The following EEF1AKMT1 variants were observed in gnomAD, a reference collection of about 807,000 sequenced individuals.
The protein encoded by EEF1AKMT1 is EEF1A lysine methyltransferase 1.
A neutral mutation model predicts 21.0 loss-of-function variants in EEF1AKMT1; 18 were observed. The observed-to-expected ratio is 0.86, with a 90% CI of 0.59 to 1.27. The LOEUF (loss-of-function observed/expected upper bound fraction) is 1.27, where lower values mean the gene tolerates loss of function less well. Ranked by LOEUF, EEF1AKMT1 falls within the 50% of genes most tolerant of loss-of-function variation. The pLI, the probability that EEF1AKMT1 is intolerant of heterozygous loss-of-function variation, is 0.00. For missense variants in EEF1AKMT1, 246 were observed against 258.6 expected (o/e 0.95, Z 0.33); for synonymous variants, 109 against 94.8 (o/e 1.15, Z -0.87).
In EEF1AKMT1 at chr13:20,772,754, G is replaced by C. The variant is rs1427157134; in HGVS notation, c.-20+1167C>G. Reference sequence around the variant, plus strand: ...AGCAAAGGGGCGGACACGTTAGCTTGCAGCATAAGCAGGGATTAGCTGGCT... The same window carrying C: ...AGCAAAGGGGCGGACACGTTAGCTTCCAGCATAAGCAGGGATTAGCTGGCT... On this transcript the variant is annotated intron_variant, in intron 1 of 4. Coordinates refer to ENST00000382758, the MANE Select transcript of EEF1AKMT1 (RefSeq NM_001318939.2). Among the ~76,000 whole-genome samples, 3 of 152,204 alleles carry C rather than the reference G, an allele frequency of 2.0e-5. No homozygotes were observed. The East Asian group carries it at 5.8e-4, about 29-fold the overall frequency.
In EEF1AKMT1 at chr13:20,747,462, C is replaced by CTTTTTTTTTTTTTTTTTTTTTTTTTTT. The variant is rs60730051; in HGVS notation, c.145-9658_145-9657insAAAAAAAAAAAAAAAAAAAAAAAAAAA. ...GATCTCTGTGCCAGTTAGGCACATT[C>CTTTTTTTTTTTTTTTTTTTTTTTTTTT]TTTTTTTTTTTTTTTTTTTTTGAGA... is the stretch of plus-strand genomic sequence containing the variant. On this transcript the variant is annotated intron_variant, in intron 2 of 4. Transcript: ENST00000382758. 5.7e-5 allele frequency: 5 copies of CTTTTTTTTTTTTTTTTTTTTTTTTTTT among 87,632 alleles called. 1 individual carries two copies. Among genetic ancestry groups the CTTTTTTTTTTTTTTTTTTTTTTTTTTT allele is most frequent in the Admixed American group, 1.5e-4 (1 of 6,668 alleles). 5.4% of individuals were successfully genotyped at this position (87,632 alleles called of 1,614,324 possible).
At chr13:20,769,434 C>T (rs1318643562) in intron 1 of EEF1AKMT1, 2 of 151,944 alleles carry the variant, frequency 1.3e-5, no homozygotes, top group Non-Finnish European at 2.9e-5. Flanking sequence ...TTTAAAGGGC[C>T]AGCACCTTTC....
intron 3 of EEF1AKMT1, among the ~76,000 whole-genome samples, chr13:20,736,733 C>CTTTTTTTTTTTTT (rs71087090): frequency 1.1e-5 from 1 of 87,070 alleles, no homozygotes; most frequent in Admixed American, 1.6e-4. Context: ...AACCATTTGA[C>CTTTTTTTTTTTTT]TTTTTTTTTT....
At position 20,732,029 on chromosome 13, in the gene EEF1AKMT1, C is replaced by T. The variant is rs1387070771; in HGVS notation, c.320G>A (p.Arg107Lys). The T allele has an allele frequency of 1.1e-5, 17 of 1,614,202 alleles. No individual in the cohort carries two copies. Among genetic ancestry groups the T allele is most frequent in the Non-Finnish European group, 1.4e-5 (17 of 1,180,040 alleles). ...AAACTCCTCTCCATACATGGCAAAT[C>T]TTTTGTCATATTCAAAGATGTATAT... ...FSIYIFEYDK[R>K]FAMYGEEFIF... The change falls in exon 4 of 5, where the codon AGA becomes AAA. Residue 107 changes from arginine to lysine, a missense_variant. By Grantham distance (26) the Arg-to-Lys change is conservative. Coordinates refer to ENST00000382758, the MANE Select transcript of EEF1AKMT1 (RefSeq NM_001318939.2).
Position 20,729,179 on chromosome 13 carries a change from T to C in EEF1AKMT1, c.546A>G (p.Gly182=), listed in dbSNP as rs1011815230. 1 of 1,614,120 alleles carries C rather than the reference T, an allele frequency of 6.2e-7. No homozygotes were observed. The highest frequency in any genetic ancestry group is 8.5e-7 in the Non-Finnish European group (1 of 1,180,040). The part of the protein sequence containing the change: ...IMEEQAAELL[G]VKMCTFVPRH... ...TTGGAACAAACGTGCACATCTTCAC[T>C]CCAAGGAGTTCTGCTGCCTGTTCTT... Residue 182 remains glycine (G), a synonymous_variant, in exon 5 of 5, where the codon GGA becomes GGG. Coordinates refer to ENST00000382758, the MANE Select transcript of EEF1AKMT1 (RefSeq NM_001318939.2).
intron 2 of EEF1AKMT1, among the ~76,000 whole-genome samples, chr13:20,748,681 A>G (rs2058921969): frequency 7.6e-6 from 1 of 131,036 alleles, no homozygotes; most frequent in African/African-American, 2.9e-5. Context: ...CATACACATC[A>G]TTTGCCTTTT....
At chr13:20,746,349 C>T (rs1462024793) in intron 2 of EEF1AKMT1, among the ~76,000 whole-genome samples, 3 of 152,158 alleles carry the variant, frequency 2.0e-5, no homozygotes, top group Non-Finnish European at 2.9e-5. Context: ...GACGGGGTTT[C>T]ACCATGTTGG....
intron 1 of EEF1AKMT1, among the ~76,000 whole-genome samples, chr13:20,762,902 C>G (rs1355938369): frequency 6.6e-6 from 1 of 152,160 alleles, no homozygotes; most frequent in Non-Finnish European, 1.5e-5. Context: ...TTTCAAATAA[C>G]TTTTTGATAT....
chr13:20,772,642 G>A (rs1380144934), intron 1 of EEF1AKMT1, among the ~76,000 whole-genome samples: 1 of 152,100 alleles, frequency 6.6e-6, no homozygotes, highest in African/African-American at 2.4e-5. Context: ...AGTGGGGAGA[G>A]GAGTGAAAGA....
At chr13:20,750,211 C>T (rs1056974515) in intron 2 of EEF1AKMT1, among the ~76,000 whole-genome samples, 3 of 152,120 alleles carry the variant, frequency 2.0e-5, no homozygotes, top group Non-Finnish European at 4.4e-5. Context: ...CATTTCAAGT[C>T]CTCTCTGCTA....
intron 1 of EEF1AKMT1, among the ~76,000 whole-genome samples, chr13:20,767,909 AATCT>A (rs1384381810): frequency 6.6e-6 from 1 of 152,152 alleles, no homozygotes; most frequent in Non-Finnish European, 1.5e-5. Context: ...TTCTATGTCT[AATCT>A]ATTAATCCCA....
chr13:20,747,208 T>C (rs2058910113), intron 2 of EEF1AKMT1: 1 of 203,732 alleles, frequency 4.9e-6, no homozygotes, highest in Non-Finnish European at 1.0e-5. Context: ...CAGCCTCTGA[T>C]GGGGCAAGGG....
intron 2 of EEF1AKMT1, chr13:20,757,161 A>C (rs1231233709): frequency 4.5e-6 from 1 of 222,308 alleles, no homozygotes; most frequent in Non-Finnish European, 8.8e-6. Flanking sequence ...CGGCTTGCAA[A>C]GTGACCAAGA....
chr13:20,740,019 C>G (rs1291528207), intron 2 of EEF1AKMT1, among the ~76,000 whole-genome samples: 1 of 152,236 alleles, frequency 6.6e-6, no homozygotes, highest in Non-Finnish European at 1.5e-5. Context: ...GCGCGGGAGC[C>G]CATGGTGGGG....
chr13:20,738,493 C>T (rs774899557), intron 2 of EEF1AKMT1, among the ~76,000 whole-genome samples: 3 of 152,174 alleles, frequency 2.0e-5, no homozygotes, highest in Non-Finnish European at 2.9e-5. Flanking sequence ...GCCTCTCTTC[C>T]CTGAATGGCA....
At chr13:20,757,056 C>T (rs1288752093) in intron 2 of EEF1AKMT1, among the ~76,000 whole-genome samples, 4 of 152,162 alleles carry the variant, frequency 2.6e-5, no homozygotes, top group South Asian at 2.1e-4. Context: ...ACTTGGGAAC[C>T]GCCGAACGTG....
At chr13:20,747,819 T>C (rs775612728) in intron 2 of EEF1AKMT1, 1 of 162,028 alleles carries the variant, frequency 6.2e-6, no homozygotes, top group East Asian at 1.8e-4. Flanking sequence ...AATGGCATGC[T>C]GGGCTTGGAT....
intron 2 of EEF1AKMT1, among the ~76,000 whole-genome samples, chr13:20,753,053 C>A (rs761340635): frequency 2.0e-5 from 3 of 152,056 alleles, no homozygotes; most frequent in Non-Finnish European, 2.9e-5. Context: ...AACCTTCCTA[C>A]TTTCTAGATG....
chr13:20,762,205 CAG>C (rs2059004808), intron 1 of EEF1AKMT1, among the ~76,000 whole-genome samples: 1 of 138,216 alleles, frequency 7.2e-6, no homozygotes, highest in Non-Finnish European at 1.5e-5. Flanking sequence ...TAATTTGAGG[CAG>C]AGTCTTGCTC....
Sources: allele counts gnomAD v4.1 joint callset (sites outside exome capture counted in the v4.1 genomes callset), GRCh38; gene constraint gnomAD v4.1.1; transcripts MANE v1.5; gene names NCBI Gene and HGNC (gene_info 2026-07-23, HGNC 2026-07-21).